ADAM10: variants seen among roughly 807,000 people sequenced by gnomAD.
ADAM10 encodes the protein disintegrin and metalloproteinase domain-containing protein 10.
A neutral mutation model predicts 90.1 loss-of-function variants in ADAM10; 17 were observed. The ratio of observed to expected loss-of-function variants is 0.19; its 90% CI spans 0.13 to 0.28. ADAM10 has a LOEUF of 0.28. ADAM10 is among the 10% of genes least tolerant of loss of function. The pLI is 1.00. For missense variants in ADAM10, 610 were observed against 914.3 expected, an observed-to-expected ratio of 0.67 and a Z score of 4.29; for synonymous variants, 310 against 298.6, an observed-to-expected ratio of 1.04 and a Z score of -0.40.
In ADAM10 at chr15:58,597,385, A is replaced by T; in HGVS notation, c.*162T>A. On this transcript the variant is annotated 3_prime_UTR_variant, in exon 16 of 16. Transcript: ENST00000260408. Reference sequence around the variant, plus strand: ...CAAATTGGAATTTTCAGGCTTTAAAATTTAAGTAATTCCACCTGGTCTGAG... The same window carrying T: ...CAAATTGGAATTTTCAGGCTTTAAATTTTAAGTAATTCCACCTGGTCTGAG... 2.6e-6 allele frequency: 4 copies of T among 1,546,122 alleles called. No homozygotes were observed. Among genetic ancestry groups the T allele is most frequent in the Non-Finnish European group, 3.5e-6 (4 of 1,144,398 alleles).
intron 5 of ADAM10, among the ~76,000 whole-genome samples, chr15:58,647,246 G>GTTTTTTTTTTTTTTTTTTTTTTTTTTT (rs1323960397): frequency 1.4e-4 from 5 of 36,824 alleles, no homozygotes; most frequent in Admixed American, 5.7e-4. Context: ...TAGACACTAA[G>GTTTTTTTTTTTTTTTTTTTTTTTTTTT]TATTTTTTTT....
chr15:58,708,305 G>A (rs1898368743), intron 2 of ADAM10, among the ~76,000 whole-genome samples: 1 of 152,018 alleles, frequency 6.6e-6, no homozygotes, highest in African/African-American at 2.4e-5. Context: ...TCCTTGCTTA[G>A]GATATATAAG....
chr15:58,652,123 C>T (rs1896704098), intron 5 of ADAM10, among the ~76,000 whole-genome samples: 1 of 152,012 alleles, frequency 6.6e-6, no homozygotes, highest in African/African-American at 2.4e-5. Context: ...GTTATTTCAG[C>T]TCCTTATATA....
At chr15:58,628,817 C>T (rs537114775) in intron 9 of ADAM10, among the ~76,000 whole-genome samples, 1 of 152,290 alleles carries the variant, frequency 6.6e-6, no homozygotes, top group South Asian at 2.1e-4. Context: ...AAAAAGACTG[C>T]CCAAGGACGT....
At chr15:58,679,798 C>T (rs1316318939) in intron 3 of ADAM10, among the ~76,000 whole-genome samples, 1 of 152,146 alleles carries the variant, frequency 6.6e-6, no homozygotes, top group Non-Finnish European at 1.5e-5. Flanking sequence ...AGTCCAGCTA[C>T]TCAGGAGGCT....
chr15:58,669,575 T>C (rs1267288352), intron 4 of ADAM10, among the ~76,000 whole-genome samples: 1 of 152,130 alleles, frequency 6.6e-6, no homozygotes. Flanking sequence ...AAATGCCCCC[T>C]CTCTAGAGCT....
chr15:58,627,786 T>A lies in ADAM10; in HGVS notation c.1274A>T (p.Asp425Val), dbSNP rs758872781. 1 of 1,613,680 alleles carries A rather than the reference T, an allele frequency of 6.2e-7. No homozygotes were observed. The highest frequency in any genetic ancestry group is 8.5e-7 in the Non-Finnish European group (1 of 1,179,696). The part of the protein sequence containing the change: ...YIMYARATSG[D>V]KLNNNKFSLC... ...TGAGAATTTATTGTTGTTAAGTTTGTCCCCAGATGTTGCTCTTGCATACAT... is the reference window on the plus strand; with the variant it reads ...TGAGAATTTATTGTTGTTAAGTTTGACCCCAGATGTTGCTCTTGCATACAT... The change falls in exon 10 of 16, where the codon GAC (aspartate) becomes GTC (valine). Residue 425 changes from aspartate to valine, a missense_variant. By Grantham distance (152) the Asp-to-Val change is radical (BLOSUM62 -3). Transcript: ENST00000260408.
At chr15:58,690,244 C>G (rs1315760312) in intron 2 of ADAM10, among the ~76,000 whole-genome samples, 1 of 151,992 alleles carries the variant, frequency 6.6e-6, no homozygotes, top group Non-Finnish European at 1.5e-5. Context: ...TTCCTTAACC[C>G]GATAAAATGC....
chr15:58,694,143 T>C lies in ADAM10; in HGVS notation c.207-11829A>G, dbSNP rs536842731. ...TTTGGAAAACTGTTTAGCACTTTCT[T>C]ACAAAGTCAAACATATAAAAACCAG... On this transcript the variant is annotated intron_variant, in intron 2 of 15. Coordinates refer to ENST00000260408, the MANE Select transcript of ADAM10 (RefSeq NM_001110.4). Among the ~76,000 whole-genome samples, 23 of 152,292 alleles carry C rather than the reference T, an allele frequency of 1.5e-4. No homozygotes were observed. In the East Asian group the frequency reaches 4.4e-3, roughly 29 times the overall value.
chr15:58,729,391 T>C (rs968885769), intron 1 of ADAM10, among the ~76,000 whole-genome samples: 2 of 152,148 alleles, frequency 1.3e-5, no homozygotes, highest in Non-Finnish European at 2.9e-5. Context: ...TTCAAACTGT[T>C]TTTCAGCGAC....
intron 2 of ADAM10, among the ~76,000 whole-genome samples, chr15:58,699,959 C>T (rs534517098): frequency 6.6e-6 from 1 of 152,166 alleles, no homozygotes; most frequent in South Asian, 2.1e-4. Flanking sequence ...CTACAGGAAA[C>T]TCATCTTACC....
At chr15:58,634,859 C>T (rs907115472) in intron 8 of ADAM10, among the ~76,000 whole-genome samples, 1 of 152,140 alleles carries the variant, frequency 6.6e-6, no homozygotes, top group Non-Finnish European at 1.5e-5. Flanking sequence ...TTCCCATTCT[C>T]CCCACTTCAA....
At chr15:58,748,728 G>A (rs1164649401) in intron 1 of ADAM10, 3 of 390,810 alleles carry the variant, frequency 7.7e-6, no homozygotes, top group African/African-American at 6.2e-5. Context: ...TCCCCAAATG[G>A]TTTACCCTTC....
At chr15:58,685,344 C>T (rs1192165763) in intron 2 of ADAM10, among the ~76,000 whole-genome samples, 5 of 150,658 alleles carry the variant, frequency 3.3e-5, no homozygotes, top group African/African-American at 7.3e-5. Context: ...GCCTGTAGTC[C>T]CAGCTACTTG....
chr15:58,601,043 T>C (rs1895093158), intron 14 of ADAM10, among the ~76,000 whole-genome samples: 1 of 152,262 alleles, frequency 6.6e-6, no homozygotes, highest in South Asian at 2.1e-4. Flanking sequence ...TGTAGCAAAA[T>C]ATCCCAAGCC....
intron 6 of ADAM10, 79 bp downstream of exon 6, chr15:58,645,976 T>A: frequency 6.7e-7 from 1 of 1,503,038 alleles, no homozygotes; most frequent in African/African-American, 1.4e-5. Flanking sequence ...GAGAATACAC[T>A]AACTTAAATT....
At chr15:58,660,213 A>G (rs1235614075) in intron 5 of ADAM10, among the ~76,000 whole-genome samples, 5 of 151,864 alleles carry the variant, frequency 3.3e-5, no homozygotes, top group African/African-American at 1.2e-4. Flanking sequence ...TTTTTTAAAT[A>G]GGGTCTCACT....
chr15:58,689,953 A>AAC (rs1897732042), intron 2 of ADAM10, among the ~76,000 whole-genome samples: 2 of 64,112 alleles, frequency 3.1e-5, no homozygotes, highest in Admixed American at 2.1e-4. Flanking sequence ...GACCCCCCCC[A>AAC]AAAAAAAAAA....
chr15:58,623,130 T>C (rs1175915483), intron 10 of ADAM10, among the ~76,000 whole-genome samples: 4 of 152,176 alleles, frequency 2.6e-5, no homozygotes, highest in African/African-American at 9.7e-5. Context: ...CCTATCTAAA[T>C]CAAAAATGTT....
Sources: gnomAD v4.1 joint callset for allele counts (sites outside exome capture counted in the v4.1 genomes callset) on GRCh38, gnomAD v4.1.1 for gene constraint, MANE v1.5 for transcripts, NCBI Gene and HGNC (gene_info 2026-07-23, HGNC 2026-07-21) for gene names.